NAALADL2: variants seen among roughly 807,000 people sequenced by gnomAD.
NAALADL2 encodes the protein N-acetylated alpha-linked acidic dipeptidase like 2.
Under a neutral mutation model 87.2 loss-of-function variants are expected in NAALADL2, and 76 were observed. That is an observed-to-expected ratio of 0.87 (90% CI 0.72 to 1.05). The LOEUF is 1.05. Ranked by LOEUF, NAALADL2 falls within the 50% of genes least tolerant of loss-of-function variation. The pLI, the probability that NAALADL2 is intolerant of heterozygous loss-of-function variation, is 0.00. For synonymous variants in NAALADL2, 354 were observed against 331.0 expected (o/e 1.07, Z -0.75); for missense variants, 1,089 against 945.8 (o/e 1.15, Z -1.99).
chr3:175,380,606 G>A lies in NAALADL2; in HGVS notation c.1090+56281G>A, dbSNP rs1450075214. On this transcript the variant is annotated intron_variant, in intron 5 of 13. Coordinates refer to ENST00000454872, the MANE Select transcript of NAALADL2 (RefSeq NM_207015.3). Reference sequence around the variant, plus strand: ...AGAAAATAATACAAACTTTTTCATAGGTAAGCCCATACCATGCTGTATTTT... The same window carrying A: ...AGAAAATAATACAAACTTTTTCATAAGTAAGCCCATACCATGCTGTATTTT... 1.1e-4 allele frequency among the ~76,000 whole-genome samples: 17 copies of A among 152,188 alleles called. No individual in the cohort carries two copies. The East Asian group carries it at 3.3e-3, about 29-fold the overall frequency.
At chr3:174,867,164 AAG>A (rs142747068) in intron 1 of NAALADL2, among the ~76,000 whole-genome samples, 17,743 of 151,878 alleles carry the variant, frequency 0.12, 1,141 homozygotes, top group Middle Eastern at 0.15. Flanking sequence ...AAAAATAAAA[AAG>A]GGGAAAGAAC....
chr3:174,782,080 C>A (rs1431969487), intron 3 of NAALADL2, among the ~76,000 whole-genome samples: 1 of 152,034 alleles, frequency 6.6e-6, no homozygotes, highest in Non-Finnish European at 1.5e-5. Context: ...AGTACATATG[C>A]ATTGTTTTTG....
At chr3:175,286,319 T>C (rs1381745730) in intron 4 of NAALADL2, among the ~76,000 whole-genome samples, 1 of 152,076 alleles carries the variant, frequency 6.6e-6, no homozygotes, top group African/African-American at 2.4e-5. Flanking sequence ...GGCAAGGAGA[T>C]TTACTGTGCA....
At chr3:174,628,385 G>C (rs1210761796) in intron 2 of NAALADL2, among the ~76,000 whole-genome samples, 3 of 148,714 alleles carry the variant, frequency 2.0e-5, no homozygotes, top group African/African-American at 7.5e-5. Context: ...GCTGAGGTGA[G>C]AGAATCGCTT....
chr3:175,529,060 G>T (rs569294894), intron 9 of NAALADL2, among the ~76,000 whole-genome samples: 1 of 152,158 alleles, frequency 6.6e-6, no homozygotes, highest in Non-Finnish European at 1.5e-5. Context: ...GCCATTTGTA[G>T]TCCTGCCTGG....
chr3:174,644,545 CCCATGCAGTTTAAACCCAGGAG>C (rs1001294393), intron 2 of NAALADL2, among the ~76,000 whole-genome samples: 1 of 151,886 alleles, frequency 6.6e-6, no homozygotes, highest in Non-Finnish European at 1.5e-5. Context: ...GTAGTTTAAA[CCCATGCAGTTTAAACCCAGGAG>C]CCATGCAGTT....
At chr3:175,718,227 T>TTTTTTTTTGTGTTAAAA in intron 11 of NAALADL2, 2 of 1,037,684 alleles carry the variant, frequency 1.9e-6, no homozygotes, top group Non-Finnish European at 2.8e-6. Context: ...TTTTTTTGAT[T>TTTTTTTTTGTGTTAAAA]AGTTGCTGTA....
intron 13 of NAALADL2, among the ~76,000 whole-genome samples, chr3:175,755,809 G>A (rs1747195478): frequency 6.6e-6 from 1 of 150,908 alleles, no homozygotes; most frequent in South Asian, 2.1e-4. Context: ...GTTTAATCCT[G>A]GAAACTACAT....
At chr3:175,491,758 G>A (rs1382390628) in intron 9 of NAALADL2, among the ~76,000 whole-genome samples, 2 of 152,144 alleles carry the variant, frequency 1.3e-5, no homozygotes, top group African/African-American at 4.8e-5. Context: ...AGGCTATAGA[G>A]AGCTTGCAGC....
intron 3 of NAALADL2, among the ~76,000 whole-genome samples, chr3:174,771,812 G>C (rs1714597355): frequency 6.6e-6 from 1 of 152,156 alleles, no homozygotes; most frequent in Non-Finnish European, 1.5e-5. Context: ...TTTGTGGGGA[G>C]ACTTAAGTGG....
rs1431614402 is a variant in NAALADL2 at position 174,577,192 on chromosome 3, A to C, written c.-115+26555A>C. ...ACATTTGATGCAAACAATCTGAATAATGGGACATTTCAAAAATAATTTTCT... is the reference window on the plus strand; with the variant it reads ...ACATTTGATGCAAACAATCTGAATACTGGGACATTTCAAAAATAATTTTCT... On this transcript the variant is annotated intron_variant, in intron 2 of 3. Coordinates refer to the NAALADL2 transcript ENST00000434257. 2.6e-5 allele frequency among the ~76,000 whole-genome samples: 4 copies of C among 152,272 alleles called. No individual in the cohort carries two copies. In the South Asian group the frequency reaches 8.3e-4, roughly 32 times the overall value.
chr3:175,523,321 T>C (rs1732928340), intron 9 of NAALADL2, among the ~76,000 whole-genome samples: 1 of 152,180 alleles, frequency 6.6e-6, no homozygotes, highest in African/African-American at 2.4e-5. Flanking sequence ...CAGACAGTCT[T>C]CCACAACACA....
intron 4 of NAALADL2, among the ~76,000 whole-genome samples, chr3:175,302,991 A>T (rs1026931104): frequency 1.3e-5 from 2 of 152,176 alleles, no homozygotes; most frequent in Non-Finnish European, 2.9e-5. Flanking sequence ...TTGAAGCAAT[A>T]AACATTGATA....
At chr3:175,004,863 C>A (rs1748806694) in intron 1 of NAALADL2, among the ~76,000 whole-genome samples, 1 of 142,764 alleles carries the variant, frequency 7.0e-6, no homozygotes, top group Admixed American at 6.9e-5. Flanking sequence ...TGCAAATATT[C>A]CAAAATCAAA....
chr3:175,545,356 A>G (rs772790914), intron 9 of NAALADL2, among the ~76,000 whole-genome samples: 1 of 152,102 alleles, frequency 6.6e-6, no homozygotes, highest in Non-Finnish European at 1.5e-5. Flanking sequence ...ATATAACAAT[A>G]ATGGTTGTTA....
chr3:175,293,531 G>GC (rs1441125458), intron 4 of NAALADL2, among the ~76,000 whole-genome samples: 1 of 152,104 alleles, frequency 6.6e-6, no homozygotes, highest in African/African-American at 2.4e-5. Flanking sequence ...ATTTGTGTCT[G>GC]CCCCCCTCCA....
At chr3:175,229,477 C>A (rs1444145656) in intron 2 of NAALADL2, among the ~76,000 whole-genome samples, 1 of 151,922 alleles carries the variant, frequency 6.6e-6, no homozygotes, top group African/African-American at 2.4e-5. Context: ...GCTGCTATAA[C>A]AAAATGCCTT....
At chr3:174,775,900 A>G (rs1374726647) in intron 3 of NAALADL2, among the ~76,000 whole-genome samples, 2 of 152,176 alleles carry the variant, frequency 1.3e-5, no homozygotes, top group African/African-American at 4.8e-5. Flanking sequence ...TGAGTGTTAT[A>G]CGTAACAAAT....
chr3:175,698,353 A>C (rs1177912912), intron 11 of NAALADL2, among the ~76,000 whole-genome samples: 2 of 120,980 alleles, frequency 1.7e-5, no homozygotes, highest in Non-Finnish European at 3.3e-5. Context: ...ATGTGTATTT[A>C]TGTATGTGTA....
Sources: allele counts gnomAD v4.1 joint callset (sites outside exome capture counted in the v4.1 genomes callset), GRCh38; gene constraint gnomAD v4.1.1; transcripts MANE v1.5; gene names NCBI Gene and HGNC (gene_info 2026-07-23, HGNC 2026-07-21).